Variants in SMCO2 observed in about 807,000 individuals in gnomAD.
SMCO2 encodes the protein single-pass membrane protein with coiled-coil domains 2, also known as single-pass membrane and coiled-coil domain-containing protein 2.
A neutral mutation model predicts 29.5 loss-of-function variants in SMCO2; 25 were observed. The observed-to-expected ratio is 0.85, with a 90% CI of 0.62 to 1.18. The LOEUF (loss-of-function observed/expected upper bound fraction) is 1.18. Among genes scored for constraint, SMCO2 ranks in the 50% most tolerant of loss-of-function variants. The pLI, the probability that SMCO2 is intolerant of heterozygous loss-of-function variation, is 0.00. For synonymous variants in SMCO2, 117 were observed against 123.3 expected, an observed-to-expected ratio of 0.95 and a Z score of 0.34; for missense variants, 348 against 344.5, an observed-to-expected ratio of 1.01 and a Z score of -0.08.
the SMCO2 span, among the ~76,000 whole-genome samples, chr12:27,432,915 T>G: frequency 6.6e-6 from 1 of 152,248 alleles, no homozygotes; most frequent in Non-Finnish European, 1.5e-5. Context: ...TATATTGATT[T>G]GTCCACAGAA....
upstream of SMCO2, among the ~76,000 whole-genome samples, chr12:27,465,028 C>CAAAAAAAAAAAAAAA (rs35630976): frequency 9.9e-5 from 6 of 60,526 alleles, no homozygotes; most frequent in East Asian, 4.8e-4. Context: ...GACCCTGTCT[C>CAAAAAAAAAAAAAAA]AAAAAAAAAA....
At chr12:27,465,028 C>CAAAAAAAA (rs35630976), upstream of SMCO2, among the ~76,000 whole-genome samples, 23 of 60,534 alleles carry the variant, frequency 3.8e-4, no homozygotes, top group African/African-American at 6.6e-4. Context: ...GACCCTGTCT[C>CAAAAAAAA]AAAAAAAAAA....
At chr12:27,460,511 G>T in the SMCO2 span, among the ~76,000 whole-genome samples, 1 of 152,284 alleles carries the variant, frequency 6.6e-6, no homozygotes, top group South Asian at 2.1e-4. Context: ...TATTTACTAT[G>T]TTGGAAGTGA....
the SMCO2 span, among the ~76,000 whole-genome samples, chr12:27,428,363 C>A: frequency 6.6e-6 from 1 of 152,128 alleles, no homozygotes; most frequent in East Asian, 1.9e-4. Flanking sequence ...CAAGATGGAG[C>A]TGGTTAGGTC....
At chr12:27,475,550 CT>C (rs1376036456) in intron 4 of SMCO2, 31 bp from the exon 5 acceptor site, 17 of 1,497,110 alleles carry the variant, frequency 1.1e-5, no homozygotes, top group Non-Finnish European at 1.5e-5. Context: ...CCATTTTCTG[CT>C]TTGAAAATGA....
At chr12:27,452,542 T>G in the SMCO2 span, among the ~76,000 whole-genome samples, 1 of 152,196 alleles carries the variant, frequency 6.6e-6, no homozygotes, top group African/African-American at 2.4e-5. Context: ...CAGGCTGGAG[T>G]GCAGTGGCAT....
At chr12:27,465,223 G>T (rs1949489935), upstream of SMCO2, among the ~76,000 whole-genome samples, 2 of 152,082 alleles carry the variant, frequency 1.3e-5, no homozygotes, top group Admixed American at 6.6e-5. Flanking sequence ...TCAAAAGGTG[G>T]TAAGAATTAA....
chr12:27,445,421 G>A, the SMCO2 span, among the ~76,000 whole-genome samples: 2 of 152,034 alleles, frequency 1.3e-5, no homozygotes, highest in South Asian at 2.1e-4. Flanking sequence ...TGTTTTTACT[G>A]TTTACTTGAA....
intron 3 of SMCO2, among the ~76,000 whole-genome samples, chr12:27,473,850 A>G (rs910901908): frequency 5.9e-5 from 9 of 152,218 alleles, no homozygotes; most frequent in African/African-American, 2.2e-4. Context: ...AATATTTCAT[A>G]AAGAGTTACT....
the SMCO2 span, among the ~76,000 whole-genome samples, chr12:27,447,006 T>C: frequency 2.6e-5 from 4 of 152,178 alleles, no homozygotes; most frequent in Non-Finnish European, 5.9e-5. Context: ...CCCACGTGAT[T>C]CTGACATGGA....
In SMCO2 at chr12:27,491,837, G is replaced by T. The variant is rs1592217247; in HGVS notation, c.451-2463G>T. ...TCATGCCTCAGTCTCCCCAGTAGCT[G>T]GGACTACAGGGGCACACCACCACAG... On this transcript the variant is annotated intron_variant, in intron 5 of 7. Transcript: ENST00000298876. Among the ~76,000 whole-genome samples the T allele has an allele frequency of 2.0e-5, 3 of 151,890 alleles. No homozygotes were observed. In the East Asian group the frequency reaches 5.8e-4, roughly 29 times the overall value.
chr12:27,473,247 A>G, intron 3 of SMCO2: 1 of 202,360 alleles, frequency 4.9e-6, no homozygotes, highest in Non-Finnish European at 1.0e-5. Flanking sequence ...ATCTTCCAGT[A>G]GAATTCAGCT....
the SMCO2 span, among the ~76,000 whole-genome samples, chr12:27,460,592 C>T: frequency 6.6e-6 from 1 of 151,666 alleles, no homozygotes; most frequent in African/African-American, 2.4e-5. Context: ...GAGGAGAAGC[C>T]GGGGGTTGGT....
chr12:27,452,212 G>T, the SMCO2 span, among the ~76,000 whole-genome samples: 1 of 152,160 alleles, frequency 6.6e-6, no homozygotes, highest in Admixed American at 6.5e-5. Flanking sequence ...TATAAATTTT[G>T]TATCAATTGT....
At chr12:27,431,904 C>T in the SMCO2 span, among the ~76,000 whole-genome samples, 1 of 152,194 alleles carries the variant, frequency 6.6e-6, no homozygotes, top group Non-Finnish European at 1.5e-5. Flanking sequence ...AGTTTCTCCA[C>T]ATCCTTGCCA....
chr12:27,502,156 T>C (rs1943089034), exon 8 of SMCO2: 1 of 1,443,940 alleles, frequency 6.9e-7, no homozygotes, highest in Non-Finnish European at 9.2e-7. Context: ...ACTGACTTTC[T>C]CACCAGTAAA....
At chr12:27,471,629 G>T (rs1024881364) in intron 2 of SMCO2, among the ~76,000 whole-genome samples, 1 of 152,062 alleles carries the variant, frequency 6.6e-6, no homozygotes, top group East Asian at 1.9e-4. Flanking sequence ...GTAGGGAATG[G>T]GCAAAGACTA....
chr12:27,427,748 G>A, the SMCO2 span, among the ~76,000 whole-genome samples: 6 of 152,028 alleles, frequency 3.9e-5, no homozygotes, highest in Non-Finnish European at 7.4e-5. Flanking sequence ...ACCACACAGC[G>A]GGCTCTTCTT....
Position 27,488,482 on chromosome 12 carries a change from C to T in SMCO2, c.385C>T (p.Leu129=), listed in dbSNP as rs1949707796. The T allele has an allele frequency of 2.0e-6, 3 of 1,538,314 alleles. No homozygotes were observed. The Middle Eastern group carries it at 5.1e-4, about 259-fold the overall frequency. The change falls in exon 5 of 8, where the codon CTG becomes TTG. Residue 129 remains leucine, a synonymous_variant. Coordinates refer to ENST00000298876, the Ensembl canonical transcript of SMCO2. Reference sequence around the variant, plus strand: ...CAGCTTATTAAAAGACATGCTGACCCTGAAGGGTCAAATTGAAAAGCTGGA... The same window carrying T: ...CAGCTTATTAAAAGACATGCTGACCTTGAAGGGTCAAATTGAAAAGCTGGA...
Sources: gnomAD v4.1 joint callset for allele counts (sites outside exome capture counted in the v4.1 genomes callset) on GRCh38, gnomAD v4.1.1 for gene constraint, MANE v1.5 for transcripts, NCBI Gene and HGNC (gene_info 2026-07-23, HGNC 2026-07-21) for gene names.